Variants in VPS13B observed in about 807,000 individuals in gnomAD.
The protein encoded by VPS13B is intermembrane lipid transfer protein VPS13B.
A neutral mutation model predicts 426.4 loss-of-function variants in VPS13B; 285 were observed. That is an observed-to-expected ratio of 0.67 (90% CI 0.61 to 0.74). VPS13B has a LOEUF of 0.74. Ranked by LOEUF, VPS13B falls within the 30% of genes least tolerant of loss-of-function variation. The pLI is 0.00. For synonymous variants in VPS13B, 1,676 were observed against 1,676.4 expected (o/e 1.00, Z 0.01); for missense variants, 4,537 against 4,782.6 (o/e 0.95, Z 1.51).
chr8:99,525,493 A>G (rs1169361388), intron 30 of VPS13B, among the ~76,000 whole-genome samples: 1 of 152,198 alleles, frequency 6.6e-6, no homozygotes, highest in African/African-American at 2.4e-5. Flanking sequence ...GGATCATTAA[A>G]TCAGTGGATG....
intron 51 of VPS13B, among the ~76,000 whole-genome samples, chr8:99,830,120 C>T (rs988133373): frequency 3.9e-5 from 6 of 152,212 alleles, no homozygotes; most frequent in African/African-American, 1.4e-4. Flanking sequence ...AGCAGAGCTT[C>T]AGCACTGTGC....
intron 3 of VPS13B, among the ~76,000 whole-genome samples, chr8:99,074,005 A>G (rs1844979950): frequency 6.6e-6 from 1 of 151,994 alleles, no homozygotes; most frequent in Non-Finnish European, 1.5e-5. Flanking sequence ...TACTGGGCTC[A>G]AGTCCTCCCA....
chr8:99,562,227 CTGTT>C (rs1459469352), intron 31 of VPS13B, among the ~76,000 whole-genome samples: 1 of 151,992 alleles, frequency 6.6e-6, no homozygotes, highest in East Asian at 1.9e-4. Context: ...TGCTTGTTGG[CTGTT>C]TGTGTATTTT....
At chr8:99,679,627 C>A (rs1831076142) in intron 35 of VPS13B, among the ~76,000 whole-genome samples, 1 of 152,124 alleles carries the variant, frequency 6.6e-6, no homozygotes, top group African/African-American at 2.4e-5. Context: ...TTCCTCATAG[C>A]ACATAAGACA....
chr8:99,544,775 T>C (rs1341110801), intron 30 of VPS13B, among the ~76,000 whole-genome samples: 1 of 152,184 alleles, frequency 6.6e-6, no homozygotes, highest in African/African-American at 2.4e-5. Flanking sequence ...AATCCCCAGA[T>C]AATTTTCAAC....
At position 99,861,801 on chromosome 8, in the gene VPS13B, C is replaced by T. The variant is rs185477101; in HGVS notation, c.11070C>T (p.Leu3690=). The T allele has an allele frequency of 3.8e-6, 6 of 1,597,514 alleles. No individual in the cohort carries two copies. In the East Asian group the frequency reaches 6.8e-5, roughly 18 times the overall value. ...GTACCCTCACATCCATCACCAACCT[C>T]GCCACAAGCCTGGCCCGGAACATGG... is the stretch of plus-strand genomic sequence containing the variant. ...SKGTLTSITN[L]ATSLARNMDR... is the part of the protein sequence containing the mutation. The change falls in exon 58 of 62, where the codon CTC becomes CTT. Residue 3690 remains leucine, a synonymous_variant. Coordinates refer to ENST00000357162, the MANE Select transcript of VPS13B (RefSeq NM_152564.5).
At chr8:99,055,041 TTTG>T (rs1179063059) in intron 3 of VPS13B, among the ~76,000 whole-genome samples, 3 of 83,812 alleles carry the variant, frequency 3.6e-5, no homozygotes, top group Non-Finnish European at 8.1e-5. Context: ...CTGTTTTTTT[TTTG>T]TTTTTTTTTT....
At chr8:99,191,374 CTCTTTTTTTTTTTT>C (rs1371160849) in intron 16 of VPS13B, among the ~76,000 whole-genome samples, 1 of 134,344 alleles carries the variant, frequency 7.4e-6, no homozygotes. Context: ...GTCTCTCTCT[CTCTTTTTTTTTTTT>C]TTTTTTTTTT....
chr8:99,465,183 C>T (rs1819046860), intron 23 of VPS13B, among the ~76,000 whole-genome samples: 1 of 152,076 alleles, frequency 6.6e-6, no homozygotes, highest in South Asian at 2.1e-4. Context: ...GTGCCCAGAA[C>T]ATTATTTTGC....
chr8:99,505,748 G>A (rs1000900992), intron 27 of VPS13B, among the ~76,000 whole-genome samples: 2 of 152,118 alleles, frequency 1.3e-5, no homozygotes, highest in South Asian at 4.1e-4. Flanking sequence ...CGCTGCTGAT[G>A]GATTTACTCA....
At chr8:99,669,608 A>C (rs1830625143) in intron 35 of VPS13B, among the ~76,000 whole-genome samples, 1 of 152,156 alleles carries the variant, frequency 6.6e-6, no homozygotes, top group Admixed American at 6.5e-5. Context: ...AGTGTAGTAT[A>C]TATGGTGTCT....
chr8:99,862,821 G>GGTACAA (rs1563515130), intron 58 of VPS13B, among the ~76,000 whole-genome samples: 1 of 152,144 alleles, frequency 6.6e-6, no homozygotes, highest in Non-Finnish European at 1.5e-5. Context: ...GGGAGGAAGT[G>GGTACAA]GTAAAATGGT....
chr8:99,697,482 A>G, intron 35 of VPS13B: 2 of 739,566 alleles, frequency 2.7e-6, no homozygotes, highest in Admixed American at 3.7e-5. Flanking sequence ...GCCTGCTCTA[A>G]GCTGAAGGAG....
At chr8:99,244,062 A>G (rs904736902) in intron 17 of VPS13B, among the ~76,000 whole-genome samples, 3 of 152,364 alleles carry the variant, frequency 2.0e-5, no homozygotes, top group Admixed American at 1.3e-4. Flanking sequence ...GATTTCTCCA[A>G]CTGCAAATAA....
intron 30 of VPS13B, among the ~76,000 whole-genome samples, chr8:99,521,884 T>C (rs908566469): frequency 6.6e-6 from 1 of 152,204 alleles, no homozygotes; most frequent in Non-Finnish European, 1.5e-5. Flanking sequence ...TTCTCATATT[T>C]CTCTGATATT....
intron 3 of VPS13B, among the ~76,000 whole-genome samples, chr8:99,067,243 C>G (rs1474558268): frequency 6.6e-6 from 1 of 152,128 alleles, no homozygotes; most frequent in Admixed American, 6.5e-5. Flanking sequence ...GGAGCCAACC[C>G]AAATGTCTGT....
rs535905283 is a variant in VPS13B, at chr8:99,101,895, A to G, written c.413-1058A>G. On this transcript the variant is annotated intron_variant, in intron 4 of 61. Transcript: ENST00000357162. Reference sequence around the variant, plus strand: ...CAACCATATGGTTATTTCATGAAATAGCTAAAATTTTAATTACCTTTTAAA... The same window carrying G: ...CAACCATATGGTTATTTCATGAAATGGCTAAAATTTTAATTACCTTTTAAA... Among the ~76,000 whole-genome samples, 7 of 152,078 alleles carry G rather than the reference A, an allele frequency of 4.6e-5. No individual in the cohort carries two copies. The South Asian group carries it at 1.2e-3, about 27-fold the overall frequency.
At chr8:99,264,677 G>A (rs556122207) in intron 17 of VPS13B, among the ~76,000 whole-genome samples, 19 of 151,978 alleles carry the variant, frequency 1.3e-4, no homozygotes, top group South Asian at 8.3e-4. Context: ...TTTTAGGAGC[G>A]TCTCTTTAGC....
intron 17 of VPS13B, among the ~76,000 whole-genome samples, chr8:99,250,664 CTTTTTTTTTTTTTTTTTTTTTTT>C (rs60698750): frequency 5.6e-5 from 2 of 35,770 alleles, no homozygotes; most frequent in East Asian, 1.1e-3. Context: ...TGTGTTTATT[CTTTTTTTTTTTTTTTTTTTTTTT>C]TTTTTTTTTT....
Sources: gnomAD v4.1 joint callset for allele counts (sites outside exome capture counted in the v4.1 genomes callset) on GRCh38, gnomAD v4.1.1 for gene constraint, MANE v1.5 for transcripts, NCBI Gene and HGNC (gene_info 2026-07-23, HGNC 2026-07-21) for gene names.